MAGI3: variants seen among roughly 807,000 people sequenced by gnomAD.
MAGI3 encodes membrane associated guanylate kinase, WW and PDZ domain containing 3.
MAGI3 carries 43 observed loss-of-function variants against 121.8 expected under a neutral mutation model. The observed-to-expected ratio is 0.35, with a 90% confidence interval of 0.28 to 0.46. The LOEUF is 0.46. MAGI3 is among the 20% of genes least tolerant of loss of function. MAGI3 has a pLI of 1.00. For synonymous variants in MAGI3, 553 were observed against 639.3 expected (o/e 0.86, Z 2.04); for missense variants, 1,547 against 1,797.3 (o/e 0.86, Z 2.52).
At chr1:113,401,270 A>G (rs908573540) in intron 1 of MAGI3, among the ~76,000 whole-genome samples, 11 of 152,036 alleles carry the variant, frequency 7.2e-5, no homozygotes, top group African/African-American at 2.7e-4. Context: ...TTTTCTAGTA[A>G]AAGGAAAAAG....
At chr1:113,413,490 T>C (rs1652120698) in intron 1 of MAGI3, among the ~76,000 whole-genome samples, 1 of 152,216 alleles carries the variant, frequency 6.6e-6, no homozygotes, top group South Asian at 2.1e-4. Flanking sequence ...TTTCACAATA[T>C]TGATTGTTCC....
At chr1:113,474,068 T>C (rs976937542) in intron 1 of MAGI3, among the ~76,000 whole-genome samples, 5 of 152,234 alleles carry the variant, frequency 3.3e-5, no homozygotes, top group African/African-American at 9.6e-5. Flanking sequence ...ATGTCTTCTT[T>C]TGAGACGTGT....
intron 2 of MAGI3, 134 bp downstream of exon 2, chr1:113,549,765 A>T: frequency 2.0e-6 from 1 of 501,342 alleles, no homozygotes; most frequent in Non-Finnish European, 3.5e-6. Flanking sequence ...TGAAACAAAA[A>T]TTGGATAAGA....
In MAGI3 at chr1:113,513,348, G is replaced by C. The variant is rs1372940967; in HGVS notation, c.317-36167G>C. On this transcript the variant is annotated intron_variant, in intron 1 of 20. Transcript: ENST00000307546. ...ATCCTAAGCCAAAAGAACAAAGCTG[G>C]AGGCATCACGTTACCTGACTTCAAA... Among the ~76,000 whole-genome samples, 5 of 152,266 alleles carry C rather than the reference G, an allele frequency of 3.3e-5. No individual in the cohort carries two copies. The East Asian group carries it at 9.6e-4, about 29-fold the overall frequency.
chr1:113,460,231 T>TA (rs1182463202), intron 1 of MAGI3, among the ~76,000 whole-genome samples: 1 of 152,020 alleles, frequency 6.6e-6, no homozygotes, highest in Non-Finnish European at 1.5e-5. Flanking sequence ...TCCCTTAATG[T>TA]AAAAAACTCT....
At chr1:113,481,527 T>C (rs1656113520) in intron 1 of MAGI3, among the ~76,000 whole-genome samples, 1 of 152,056 alleles carries the variant, frequency 6.6e-6, no homozygotes, top group African/African-American at 2.4e-5. Context: ...TTTTTTTTTC[T>C]TTTTTGAAAA....
chr1:113,684,007 G>T lies in MAGI3; in HGVS notation c.4439G>T (p.Arg1480Leu). Residue 1480 changes from arginine (R) to leucine (L), a missense_variant, in exon 21 of 21, where the codon CGG (arginine) becomes CTG (leucine). By Grantham distance (102) the Arg-to-Leu change is moderately radical. Transcript: ENST00000307546. ...VTGTIGMAEK[R>L]Q is the part of the protein sequence containing the mutation. ...GGCACTATTGGTATGGCTGAGAAAC[G>T]GCAGTAACCTTTAGTATAAAACAAA... is the stretch of plus-strand genomic sequence containing the variant. 1 of 1,559,846 alleles carries T rather than the reference G, an allele frequency of 6.4e-7. No homozygotes were observed. Among genetic ancestry groups the T allele is most frequent in the South Asian group, 1.2e-5 (1 of 81,650 alleles).
Position 113,683,088 on chromosome 1 carries a change from T to G in MAGI3, c.3520T>G (p.Leu1174Val). The G allele has an allele frequency of 6.2e-7, 1 of 1,613,102 alleles. No individual in the cohort carries two copies. Among genetic ancestry groups the G allele is most frequent in the Non-Finnish European group, 8.5e-7 (1 of 1,179,686 alleles). The stretch of plus-strand genomic sequence containing the variant: ...CATTGTGCCTGAAAAGAAAAGCACT[T>G]TAAATGAAAATCAGCCTGAGATAAA... Reference protein sequence around the residue: ...KDIVPEKKSTLNENQPEIKHQ... With the variant: ...KDIVPEKKSTVNENQPEIKHQ... Residue 1174 changes from leucine to valine, a missense_variant, in exon 21 of 21, where the codon TTA becomes GTA. Transcript: ENST00000307546.
At chr1:113,651,407 T>G (rs1029580020) in intron 14 of MAGI3, among the ~76,000 whole-genome samples, 1 of 152,234 alleles carries the variant, frequency 6.6e-6, no homozygotes, top group African/African-American at 2.4e-5. Context: ...AAATAAATTT[T>G]GGGCTTCTAT....
chr1:113,459,656 T>A (rs1436350615), intron 1 of MAGI3, among the ~76,000 whole-genome samples: 2 of 152,246 alleles, frequency 1.3e-5, no homozygotes, highest in African/African-American at 2.4e-5. Flanking sequence ...TCTTTCTTTG[T>A]CAGTTTTCTT....
chr1:113,545,528 G>C (rs1263017823), intron 1 of MAGI3, among the ~76,000 whole-genome samples: 2 of 152,200 alleles, frequency 1.3e-5, no homozygotes, highest in Non-Finnish European at 2.9e-5. Context: ...CCAGCGTTTA[G>C]TTAAATAATA....
chr1:113,396,638 A>G (rs1651129825), intron 1 of MAGI3, among the ~76,000 whole-genome samples: 1 of 152,196 alleles, frequency 6.6e-6, no homozygotes, highest in African/African-American at 2.4e-5. Flanking sequence ...CCAAGAAAAG[A>G]TGCATATTTT....
chr1:113,685,440 C>T lies in MAGI3; in HGVS notation c.*1426C>T, dbSNP rs1194807797. On this transcript the variant is annotated 3_prime_UTR_variant, in exon 21 of 21. Coordinates refer to ENST00000307546, the MANE Select transcript of MAGI3 (RefSeq NM_001142782.2). ...AAGCACATTAGGTCCAGGTCCTTCCCTCTGGGAGTCTGACTGTGAAACTCT... is the reference window on the plus strand; with the variant it reads ...AAGCACATTAGGTCCAGGTCCTTCCTTCTGGGAGTCTGACTGTGAAACTCT... The T allele has an allele frequency of 1.3e-5, 2 of 152,360 alleles. No homozygotes were observed. Among genetic ancestry groups the T allele is most frequent in the Non-Finnish European group, 2.9e-5 (2 of 68,060 alleles). The allele number at this position is 152,360 out of a possible 1,614,324, so 9.4% of individuals were successfully genotyped here. A position where few individuals can be genotyped will look rare whatever the true frequency, so the allele number is the denominator to read the frequency against.
At position 113,518,861 on chromosome 1, in the gene MAGI3, A is replaced by G. The variant is rs569453098; in HGVS notation, c.317-30654A>G. Among the ~76,000 whole-genome samples the G allele has an allele frequency of 3.9e-5, 6 of 152,276 alleles. No individual in the cohort carries two copies. In the East Asian group the frequency reaches 1.2e-3, roughly 29 times the overall value. On this transcript the variant is annotated intron_variant, in intron 1 of 20. Coordinates refer to ENST00000307546, the MANE Select transcript of MAGI3 (RefSeq NM_001142782.2). The stretch of plus-strand genomic sequence containing the variant: ...TATAAAATATGCTTATTCTAAGAAA[A>G]TGTTTAAGAGTTCTTGTCAGTGATT...
intron 6 of MAGI3, among the ~76,000 whole-genome samples, chr1:113,595,288 GA>G (rs1156330023): frequency 3.5e-4 from 54 of 152,238 alleles, no homozygotes; most frequent in African/African-American, 1.3e-3. Context: ...GGGCAACAGA[GA>G]GAGACCCTGT....
At chr1:113,410,249 G>A (rs939001456) in intron 1 of MAGI3, among the ~76,000 whole-genome samples, 1 of 151,822 alleles carries the variant, frequency 6.6e-6, no homozygotes, top group Non-Finnish European at 1.5e-5. Context: ...TTCTTTTGAG[G>A]CATTGGGAAG....
At chr1:113,444,196 C>T (rs927863950) in intron 1 of MAGI3, among the ~76,000 whole-genome samples, 1 of 152,238 alleles carries the variant, frequency 6.6e-6, no homozygotes, top group South Asian at 2.1e-4. Flanking sequence ...ACAGTTTTCA[C>T]ACAGCTCATG....
chr1:113,610,761 C>A (rs1411568639), intron 6 of MAGI3, among the ~76,000 whole-genome samples: 1 of 152,084 alleles, frequency 6.6e-6, no homozygotes, highest in Non-Finnish European at 1.5e-5. Context: ...CATGGTAAAA[C>A]CCTGTCTACT....
At chr1:113,560,111 A>T (rs1474158391) in intron 2 of MAGI3, among the ~76,000 whole-genome samples, 2 of 151,140 alleles carry the variant, frequency 1.3e-5, no homozygotes, top group Non-Finnish European at 3.0e-5. Context: ...TCTAAAACTG[A>T]TCACATAATC....
Sources: gnomAD v4.1 joint callset for allele counts (sites outside exome capture counted in the v4.1 genomes callset) on GRCh38, gnomAD v4.1.1 for gene constraint, MANE v1.5 for transcripts, NCBI Gene and HGNC (gene_info 2026-07-23, HGNC 2026-07-21) for gene names.